NIPBL: variants seen among roughly 807,000 people sequenced by gnomAD.
The protein encoded by NIPBL is nipped-B-like protein.
NIPBL carries 19 observed loss-of-function variants against 321.8 expected under a neutral mutation model. The ratio of observed to expected loss-of-function variants is 0.06; its 90% CI spans 0.04 to 0.09. The LOEUF is 0.09. NIPBL is among the 10% of genes least tolerant of loss of function. The probability of loss-of-function intolerance (pLI) is 1.00; values close to 1 mark genes in which losing one functional copy is unlikely to be tolerated. For missense variants in NIPBL, 2,210 were observed against 3,327.0 expected, an observed-to-expected ratio of 0.66 and a Z score of 8.26; for synonymous variants, 1,106 against 1,114.1, an observed-to-expected ratio of 0.99 and a Z score of 0.14.
In NIPBL at chr5:37,044,406, A is replaced by G; in HGVS notation, c.6168A>G (p.Pro2056=). 6.2e-7 allele frequency: 1 copy of G among 1,613,910 alleles called. No homozygotes were observed. The highest frequency in any genetic ancestry group is 8.5e-7 in the Non-Finnish European group (1 of 1,179,832). ...NVAKILELVV[P]LMEHPSETFL... Reference sequence around the variant, plus strand: ...CAAAAATCCTAGAGCTAGTTGTACCACTGATGGAGCATCCAAGTGAAACTT... The same window carrying G: ...CAAAAATCCTAGAGCTAGTTGTACCGCTGATGGAGCATCCAAGTGAAACTT... Residue 2056 remains proline (P), a synonymous_variant, in exon 35 of 47, where the codon CCA becomes CCG. Transcript: ENST00000282516.
intron 10 of NIPBL, 103 bp downstream of exon 10, chr5:36,986,404 A>G (rs887366198): frequency 3.9e-6 from 3 of 765,086 alleles, no homozygotes; most frequent in African/African-American, 3.7e-5. Context: ...AAGCTACTAC[A>G]TGAAAATATA....
In NIPBL at chr5:36,930,562, G is replaced by A. The variant is rs142844867; in HGVS notation, c.-79-23056G>A. Among the ~76,000 whole-genome samples the A allele has an allele frequency of 1.7e-3, 264 of 152,024 alleles. 1 individual carries two copies. Among genetic ancestry groups the A allele is most frequent in the African/African-American group, 6.0e-3 (249 of 41,528 alleles). On this transcript the variant is annotated intron_variant, in intron 1 of 46. Coordinates refer to ENST00000282516, the MANE Select transcript of NIPBL (RefSeq NM_133433.4). Reference sequence around the variant, plus strand: ...TCTTTTTAAGTTTTTTTCTTAAAATGTGTTACTTTTTGGTGTTTTGCTGTA... The same window carrying A: ...TCTTTTTAAGTTTTTTTCTTAAAATATGTTACTTTTTGGTGTTTTGCTGTA...
At chr5:36,952,053 T>TGTGTGTGTGC (rs778597604) in intron 1 of NIPBL, among the ~76,000 whole-genome samples, 2,454 of 111,978 alleles carry the variant, frequency 0.022, 39 homozygotes, top group East Asian at 0.036. Flanking sequence ...TGTGTGTGTG[T>TGTGTGTGTGC]GCGCGCGCGC....
chr5:36,994,194 CAAAAT>C (rs2149660286), intron 10 of NIPBL, among the ~76,000 whole-genome samples: 1 of 152,130 alleles, frequency 6.6e-6, no homozygotes, highest in South Asian at 2.1e-4. Flanking sequence ...TACCTGATTT[CAAAAT>C]GACACAGAAG....
intron 1 of NIPBL, among the ~76,000 whole-genome samples, chr5:36,947,990 T>G (rs1739873388): frequency 6.6e-6 from 1 of 152,028 alleles, no homozygotes; most frequent in Non-Finnish European, 1.5e-5. Flanking sequence ...TCATGAATTT[T>G]AAGAATCTTT....
chr5:36,885,629 A>G, intron 1 of NIPBL: 2 of 538,726 alleles, frequency 3.7e-6, no homozygotes, highest in East Asian at 4.8e-5. Context: ...GATCTTTGCA[A>G]ATACTGTGGA....
At chr5:37,023,759 T>TA (rs1749933076) in intron 29 of NIPBL, among the ~76,000 whole-genome samples, 1 of 144,156 alleles carries the variant, frequency 6.9e-6, no homozygotes, top group Non-Finnish European at 1.5e-5. Flanking sequence ...TCTTTTTTTT[T>TA]TTTTTTTTTT....
In NIPBL at chr5:37,051,723, C is replaced by T. The variant is rs1267697254; in HGVS notation, c.6955-56C>T. On this transcript the variant is annotated intron_variant, in intron 40 of 46. Transcript: ENST00000282516. ...ATATATGAAAAGTTTTGACATATGT[C>T]TAAATAGAGAATTTTTACTACCATG... The T allele has an allele frequency of 5.7e-6, 7 of 1,237,014 alleles. No individual in the cohort carries two copies. The African/African-American group carries it at 6.0e-5, about 11-fold the overall frequency. 76.6% of individuals were successfully genotyped at this position (1,237,014 alleles called of 1,614,324 possible).
chr5:36,882,903 T>G (rs1745615622), intron 1 of NIPBL, among the ~76,000 whole-genome samples: 1 of 151,782 alleles, frequency 6.6e-6, no homozygotes, highest in South Asian at 2.1e-4. Context: ...AAACCCACCT[T>G]GTTACTTTAC....
intron 1 of NIPBL, among the ~76,000 whole-genome samples, chr5:36,897,276 A>G (rs1746825081): frequency 6.6e-6 from 1 of 152,202 alleles, no homozygotes; most frequent in Non-Finnish European, 1.5e-5. Flanking sequence ...TGCTGGGATT[A>G]CAAGCATGAG....
chr5:36,891,998 G>A (rs1746366624), intron 1 of NIPBL, among the ~76,000 whole-genome samples: 1 of 152,038 alleles, frequency 6.6e-6, no homozygotes, highest in African/African-American at 2.4e-5. Flanking sequence ...AATCAGTTTT[G>A]GCTGCCTGTG....
At position 36,985,744 on chromosome 5, in the gene NIPBL, G is replaced by A. The variant is rs1744709386; in HGVS notation, c.2564G>A (p.Gly855Asp). 6.2e-7 allele frequency: 1 copy of A among 1,613,670 alleles called. No homozygotes were observed. The highest frequency in any genetic ancestry group is 1.3e-5 in the African/African-American group (1 of 74,858). Residue 855 changes from glycine to aspartate, a missense_variant, in exon 10 of 47, where the codon GGC becomes GAC. Physicochemically the swap from Gly to Asp is moderately conservative, Grantham distance 94 (BLOSUM62 -1). Around this residue, in one of 14 missense-constraint regions of NIPBL, gnomAD observed 588 missense variants for 564.1 expected, o/e 1.04. Transcript: ENST00000282516. ...TLRSSSRNEH[G>D]IKSDSSKTDK... The stretch of plus-strand genomic sequence containing the variant: ...AGATCCTCTAGTAGAAATGAACATG[G>A]CATTAAATCTGATAGTTCAAAAACT...
At chr5:37,004,418 T>C (rs1337052646) in intron 16 of NIPBL, among the ~76,000 whole-genome samples, 1 of 151,626 alleles carries the variant, frequency 6.6e-6, no homozygotes, top group East Asian at 1.9e-4. Flanking sequence ...TTTTCTCCCC[T>C]GATAGAGCCA....
chr5:37,046,262 T>C (rs989412951), intron 38 of NIPBL, 63 bp downstream of exon 38: 10 of 901,686 alleles, frequency 1.1e-5, no homozygotes, highest in African/African-American at 8.2e-5. Flanking sequence ...TTTTTAAATA[T>C]TGTGAATCTA....
chr5:36,966,956 G>A (rs1475022052), intron 6 of NIPBL, among the ~76,000 whole-genome samples: 1 of 151,592 alleles, frequency 6.6e-6, no homozygotes, highest in Non-Finnish European at 1.5e-5. Context: ...TTGTAGAAAT[G>A]AGAAAAAAAG....
intron 16 of NIPBL, among the ~76,000 whole-genome samples, chr5:37,004,017 T>C (rs995036211): frequency 6.6e-6 from 1 of 152,210 alleles, no homozygotes; most frequent in Admixed American, 6.5e-5. Flanking sequence ...AGAAACCTTA[T>C]GATTTCCTAA....
chr5:36,954,715 C>T (rs922434802), intron 2 of NIPBL, among the ~76,000 whole-genome samples: 4 of 151,950 alleles, frequency 2.6e-5, no homozygotes, highest in Non-Finnish European at 4.4e-5. Flanking sequence ...AATGAGAATC[C>T]TGTTGGTACC....
chr5:37,058,768 T>C (rs756081013), intron 43 of NIPBL, 123 bp from the exon 44 acceptor site: 6 of 781,460 alleles, frequency 7.7e-6, no homozygotes, highest in Non-Finnish European at 1.0e-5. Context: ...GTTGTTGATA[T>C]AAAGTCAAGA....
Position 37,038,644 on chromosome 5 carries a change from G to A in NIPBL, c.6014G>A (p.Cys2005Tyr), listed in dbSNP as rs1233750311. 4 of 1,613,744 alleles carry A rather than the reference G, an allele frequency of 2.5e-6. No individual in the cohort carries two copies. The highest frequency in any genetic ancestry group is 3.4e-6 in the Non-Finnish European group (4 of 1,179,846). The change falls in exon 34 of 47, where the codon TGC becomes TAC. Residue 2005 changes from cysteine (C) to tyrosine (Y), a missense_variant. Coordinates refer to ENST00000282516, the MANE Select transcript of NIPBL (RefSeq NM_133433.4). ...GTGAATTCTGGAAGATTGGTAGCTT[G>A]CATAACCACTTTGTTCTTATTCAGC... ...KGVNSGRLVA[C>Y]ITTLFLFSKI...
Sources: gnomAD v4.1 joint callset for allele counts (sites outside exome capture counted in the v4.1 genomes callset) on GRCh38, gnomAD v4.1.1 for gene constraint, gnomAD v4.1.1 regional missense constraint, MANE v1.5 for transcripts, NCBI Gene and HGNC (gene_info 2026-07-23, HGNC 2026-07-21) for gene names.